PTPRR: variants seen among roughly 807,000 people sequenced by gnomAD.
PTPRR encodes protein tyrosine phosphatase receptor type R.
PTPRR carries 38 observed loss-of-function variants against 77.2 expected under a neutral mutation model. The observed-to-expected ratio is 0.49, with a 90% confidence interval of 0.38 to 0.65. The LOEUF is 0.65. Among genes scored for constraint, PTPRR ranks in the 30% least tolerant of loss-of-function variants. The pLI, the probability that PTPRR is intolerant of heterozygous loss-of-function variation, is 0.00. For missense variants in PTPRR, 744 were observed against 799.2 expected, an observed-to-expected ratio of 0.93 and a Z score of 0.83; for synonymous variants, 299 against 283.1, an observed-to-expected ratio of 1.06 and a Z score of -0.57.
rs34611421 is a variant in PTPRR, at chr12:70,720,509, A to ATT, written c.1008-19188_1008-19187dup. The stretch of plus-strand genomic sequence containing the variant: ...GAGGTATTGCTCTGTTACCCTGGTA[A>ATT]TTTTTTTTTTTTTTTTTTTTGAGAC... On this transcript the variant is annotated intron_variant, in intron 6 of 13. Coordinates refer to ENST00000283228, the MANE Select transcript of PTPRR (RefSeq NM_002849.4). 9.8e-3 allele frequency among the ~76,000 whole-genome samples: 1,337 copies of ATT among 136,814 alleles called. 11 individuals carry two copies. The highest frequency in any genetic ancestry group is 0.027 in the East Asian group (128 of 4,730). 89.8% of individuals were successfully genotyped at this position (136,814 alleles called of 152,430 possible).
chr12:70,785,513 C>T (rs553542184), intron 2 of PTPRR, among the ~76,000 whole-genome samples: 79 of 152,170 alleles, frequency 5.2e-4, no homozygotes, highest in African/African-American at 1.8e-3. Context: ...TTTGAGTAAG[C>T]CCCTATCCTT....
At chr12:70,760,629 A>G (rs1309984738) in intron 4 of PTPRR, among the ~76,000 whole-genome samples, 2 of 152,190 alleles carry the variant, frequency 1.3e-5, no homozygotes, top group African/African-American at 2.4e-5. Context: ...CCCTGCCTCT[A>G]TAAGAGAGAA....
intron 2 of PTPRR, among the ~76,000 whole-genome samples, chr12:70,831,048 G>T (rs1892203189): frequency 6.6e-6 from 1 of 152,146 alleles, no homozygotes; most frequent in Non-Finnish European, 1.5e-5. Context: ...CTCAACACAA[G>T]AAGGAGCTGT....
intron 3 of PTPRR, among the ~76,000 whole-genome samples, chr12:70,763,876 C>T (rs1890750047): frequency 6.6e-6 from 1 of 152,174 alleles, no homozygotes; most frequent in African/African-American, 2.4e-5. Flanking sequence ...GCCCACTTTC[C>T]AGTGCAGATG....
chr12:70,724,504 A>G (rs553119707), intron 6 of PTPRR, among the ~76,000 whole-genome samples: 1 of 152,320 alleles, frequency 6.6e-6, no homozygotes, highest in Non-Finnish European at 1.5e-5. Context: ...CTTAACTGGT[A>G]TTATTAATGT....
chr12:70,672,032 G>C (rs1445835687), intron 10 of PTPRR: 4 of 1,324,522 alleles, frequency 3.0e-6, no homozygotes. Context: ...CCACCTGGTG[G>C]GGCCTCACTT....
At chr12:70,644,479 A>G (rs955897967) in intron 13 of PTPRR, among the ~76,000 whole-genome samples, 1 of 152,220 alleles carries the variant, frequency 6.6e-6, no homozygotes, top group African/African-American at 2.4e-5. Context: ...TGTCTCCACC[A>G]CTTACTAGAT....
At chr12:70,828,335 T>C (rs1477336327) in intron 2 of PTPRR, among the ~76,000 whole-genome samples, 1 of 152,168 alleles carries the variant, frequency 6.6e-6, no homozygotes, top group African/African-American at 2.4e-5. Flanking sequence ...CTTCAGCCCC[T>C]GAACTAATAT....
intron 6 of PTPRR, among the ~76,000 whole-genome samples, chr12:70,704,468 G>A (rs2136792054): frequency 6.6e-6 from 1 of 151,870 alleles, no homozygotes; most frequent in Admixed American, 6.6e-5. Context: ...AAAAAAGCCA[G>A]ATAAAAGAGG....
intron 6 of PTPRR, among the ~76,000 whole-genome samples, chr12:70,730,788 C>T (rs1004319733): frequency 2.0e-5 from 3 of 151,444 alleles, no homozygotes; most frequent in Non-Finnish European, 4.4e-5. Context: ...CATGCCACGC[C>T]ACTCCAGCTT....
chr12:70,733,162 T>C (rs1206328461), intron 6 of PTPRR, among the ~76,000 whole-genome samples: 1 of 152,086 alleles, frequency 6.6e-6, no homozygotes, highest in African/African-American at 2.4e-5. Context: ...GTATACACTA[T>C]AAGACATTAT....
intron 6 of PTPRR, among the ~76,000 whole-genome samples, chr12:70,739,204 G>A (rs1889968421): frequency 6.6e-6 from 1 of 152,112 alleles, no homozygotes; most frequent in Non-Finnish European, 1.5e-5. Context: ...CCTAGTGTAG[G>A]CTTGTGAAAT....
At chr12:70,818,294 T>C (rs887639329) in intron 2 of PTPRR, among the ~76,000 whole-genome samples, 18 of 150,342 alleles carry the variant, frequency 1.2e-4, no homozygotes, top group Admixed American at 8.6e-4. Context: ...CACACAGATA[T>C]GTGCCTCTCT....
intron 2 of PTPRR, among the ~76,000 whole-genome samples, chr12:70,798,983 TA>T (rs1891565511): frequency 6.6e-6 from 1 of 151,940 alleles, no homozygotes; most frequent in African/African-American, 2.4e-5. Flanking sequence ...CAGAAAATAA[TA>T]AAAAGTGTAA....
rs186922138 is a variant in PTPRR at position 70,766,969 on chromosome 12, G to A, written c.358-2191C>T. Among the ~76,000 whole-genome samples, 22 of 152,202 alleles carry A rather than the reference G, an allele frequency of 1.4e-4. No homozygotes were observed. In the East Asian group the frequency reaches 4.3e-3, roughly 29 times the overall value. On this transcript the variant is annotated intron_variant, in intron 2 of 13. Coordinates refer to ENST00000283228, the MANE Select transcript of PTPRR (RefSeq NM_002849.4). ...CTTTACAGACAAGCAAATGCTGAGA[G>A]ATTTTGTCACCACCAGGCCTGCCCT...
intron 4 of PTPRR, among the ~76,000 whole-genome samples, chr12:70,759,767 G>T (rs1023837145): frequency 1.6e-4 from 24 of 148,284 alleles, no homozygotes; most frequent in Admixed American, 5.4e-4. Context: ...GAGAGAATAT[G>T]GTGTATCATA....
chr12:70,895,230 C>T (rs1323548219), intron 1 of PTPRR, among the ~76,000 whole-genome samples: 2 of 151,488 alleles, frequency 1.3e-5, no homozygotes, highest in East Asian at 3.9e-4. Context: ...AAGAAAAAAG[C>T]AGCTTAGAAG....
chr12:70,862,760 G>T (rs1265706952), intron 2 of PTPRR, among the ~76,000 whole-genome samples: 1 of 151,792 alleles, frequency 6.6e-6, no homozygotes, highest in East Asian at 1.9e-4. Context: ...ATAAAAAAAA[G>T]GGAACTAAGG....
At chr12:70,747,842 A>G (rs1236390406) in intron 5 of PTPRR, among the ~76,000 whole-genome samples, 3 of 152,178 alleles carry the variant, frequency 2.0e-5, no homozygotes, top group Admixed American at 6.6e-5. Flanking sequence ...GGGCTGTCTG[A>G]AAAAATATGG....
Sources: allele counts gnomAD v4.1 joint callset (sites outside exome capture counted in the v4.1 genomes callset), GRCh38; gene constraint gnomAD v4.1.1; transcripts MANE v1.5; gene names NCBI Gene and HGNC (gene_info 2026-07-23, HGNC 2026-07-21).